Variants in CLSTN1 observed in about 807,000 individuals in gnomAD.
CLSTN1 encodes the protein calsyntenin 1.
Under a neutral mutation model 108.3 loss-of-function variants are expected in CLSTN1, and 28 were observed. The observed-to-expected ratio is 0.26, with a 90% CI of 0.19 to 0.35. The LOEUF (loss-of-function observed/expected upper bound fraction) is 0.35, where lower values mean the gene tolerates loss of function less well. Among genes scored for constraint, CLSTN1 ranks in the 10% least tolerant of loss-of-function variants. The pLI, the probability that CLSTN1 is intolerant of heterozygous loss-of-function variation, is 1.00. For synonymous variants in CLSTN1, 524 were observed against 534.9 expected, an observed-to-expected ratio of 0.98 and a Z score of 0.28; for missense variants, 1,157 against 1,302.6, an observed-to-expected ratio of 0.89 and a Z score of 1.72.
chr1:9,793,784 AATC>A (rs1162581935), intron 1 of CLSTN1, among the ~76,000 whole-genome samples: 1 of 151,418 alleles, frequency 6.6e-6, no homozygotes, highest in African/African-American at 2.4e-5. Flanking sequence ...CCTGAAGCAA[AATC>A]ATCTCAAAAT....
intron 1 of CLSTN1, among the ~76,000 whole-genome samples, chr1:9,788,879 A>G (rs543108148): frequency 6.6e-6 from 1 of 151,216 alleles, no homozygotes; most frequent in East Asian, 2.0e-4. Flanking sequence ...AAAAAAAAAA[A>G]AAAAAAAAAC....
At chr1:9,745,906 C>G (rs1487337635) in intron 7 of CLSTN1, among the ~76,000 whole-genome samples, 1 of 151,358 alleles carries the variant, frequency 6.6e-6, no homozygotes, top group Non-Finnish European at 1.5e-5. Flanking sequence ...GTAGCTGGGA[C>G]CACAGGTGTG....
chr1:9,783,517 C>G (rs530622118), intron 1 of CLSTN1, among the ~76,000 whole-genome samples: 1 of 152,004 alleles, frequency 6.6e-6, no homozygotes, highest in African/African-American at 2.4e-5. Context: ...GTCAGGAGTT[C>G]GAGACCAGCT....
In CLSTN1 at chr1:9,773,357, G is replaced by A. The variant is rs775802121; in HGVS notation, c.129C>T (p.His43=). Residue 43 remains histidine, a synonymous_variant, in exon 2 of 19, where the codon CAC becomes CAT. Coordinates refer to ENST00000377298, the MANE Select transcript of CLSTN1 (RefSeq NM_001009566.3). ...KHKPWLEPTY[H]GIVTENDNTV... is the part of the protein sequence containing the mutation. Reference sequence around the variant, plus strand: ...TGTTGTCGTTCTCTGTGACTATGCCGTGGTAGGTGGGCTCCAGCCAGGGCT... The same window carrying A: ...TGTTGTCGTTCTCTGTGACTATGCCATGGTAGGTGGGCTCCAGCCAGGGCT... The A allele has an allele frequency of 2.4e-5, 39 of 1,613,888 alleles. No individual in the cohort carries two copies. Among genetic ancestry groups the A allele is most frequent in the Middle Eastern group, 1.6e-4 (1 of 6,084 alleles).
At chr1:9,822,248 C>A (rs943305342) in intron 1 of CLSTN1, among the ~76,000 whole-genome samples, 1 of 152,148 alleles carries the variant, frequency 6.6e-6, no homozygotes, top group African/African-American at 2.4e-5. Flanking sequence ...TTTTAAAAAT[C>A]AAATGGCCAG....
At chr1:9,744,766 T>C in intron 7 of CLSTN1, 123 bp from the exon 8 acceptor site, 1 of 1,229,722 alleles carries the variant, frequency 8.1e-7, no homozygotes, top group Non-Finnish European at 1.1e-6. Flanking sequence ...CTTTTTTTTT[T>C]TCTTTCGAGA....
intron 1 of CLSTN1, chr1:9,781,382 T>C: frequency 4.3e-6 from 2 of 465,542 alleles, no homozygotes; most frequent in South Asian, 6.7e-5. Flanking sequence ...AACCATAGCA[T>C]TATAAATCAG....
rs759225299 is a variant in CLSTN1, at chr1:9,737,558, T to A, written c.1520-4A>T. The A allele has an allele frequency of 2.5e-6, 4 of 1,613,798 alleles. No individual in the cohort carries two copies. In the Admixed American group the frequency reaches 6.7e-5, roughly 27 times the overall value. ...TCATTTTCAACTCCTGAAAACTCTG[T>A]GGAAAAGCAAGACAAAGACAATAGA... On this transcript the variant is annotated splice_polypyrimidine_tract_variant and splice_region_variant and intron_variant, in intron 10 of 18. Coordinates refer to ENST00000377298, the MANE Select transcript of CLSTN1 (RefSeq NM_001009566.3).
intron 17 of CLSTN1, 34 bp from the exon 18 acceptor site, chr1:9,731,424 A>G: frequency 6.2e-7 from 1 of 1,607,030 alleles, no homozygotes; most frequent in East Asian, 2.2e-5. Context: ...ATGCGAGGTC[A>G]CTCGGCCCAG....
intron 5 of CLSTN1, among the ~76,000 whole-genome samples, chr1:9,751,139 A>T (rs533167322): frequency 6.6e-6 from 1 of 152,256 alleles, no homozygotes; most frequent in East Asian, 1.9e-4. Context: ...TGTAAAGGTC[A>T]GTCTCATTCA....
At chr1:9,733,702 A>G (rs1044045274) in intron 15 of CLSTN1, among the ~76,000 whole-genome samples, 156 bp from the exon 16 acceptor site, 5 of 152,102 alleles carry the variant, frequency 3.3e-5, no homozygotes, top group Admixed American at 2.6e-4. Context: ...AATAAATGCA[A>G]TGTGCACAGG....
At position 9,788,855 on chromosome 1, in the gene CLSTN1, G is replaced by A. The variant is rs145371928; in HGVS notation, c.92-15461C>T. Among the ~76,000 whole-genome samples the A allele has an allele frequency of 4.5e-3, 585 of 129,330 alleles. 29 individuals are homozygous for A. In the East Asian group the frequency reaches 0.048, roughly 11 times the overall value. 84.8% of individuals were successfully genotyped at this position (129,330 alleles called of 152,430 possible). A position where few individuals can be genotyped will look rare whatever the true frequency, so the allele number is the denominator to read the frequency against. On this transcript the variant is annotated intron_variant, in intron 1 of 18. Coordinates refer to ENST00000377298, the MANE Select transcript of CLSTN1 (RefSeq NM_001009566.3). ...TGCACTCCAAGCTGGGCGACAGAGC[G>A]AGACTCCGTCTCAAAAAAAAAAAAA...
chr1:9,780,075 G>C (rs142407319), intron 1 of CLSTN1, among the ~76,000 whole-genome samples: 19 of 151,384 alleles, frequency 1.3e-4, no homozygotes, highest in African/African-American at 4.4e-4. Flanking sequence ...GGCTGGTCTC[G>C]AACTTCAGAC....
intron 1 of CLSTN1, among the ~76,000 whole-genome samples, chr1:9,788,601 C>A (rs1183598036): frequency 6.6e-6 from 1 of 150,806 alleles, no homozygotes; most frequent in Non-Finnish European, 1.5e-5. Flanking sequence ...GGCGCAGTGG[C>A]TCACGCCTGT....
intron 2 of CLSTN1, among the ~76,000 whole-genome samples, chr1:9,768,624 A>G (rs542227122): frequency 0.06 from 1,646 of 27,556 alleles, 2 homozygotes; most frequent in African/African-American, 0.17. Context: ...GTGTTGGGTG[A>G]CACCATGGGG....
At chr1:9,732,618 G>GT (rs1325837103) in intron 16 of CLSTN1, among the ~76,000 whole-genome samples, 1 of 152,238 alleles carries the variant, frequency 6.6e-6, no homozygotes, top group East Asian at 1.9e-4. Flanking sequence ...ATTGCTAAGA[G>GT]TAACTTTGGG....
intron 5 of CLSTN1, 124 bp from the exon 6 acceptor site, chr1:9,750,037 T>C (rs558814705): frequency 7.9e-6 from 6 of 758,568 alleles, no homozygotes; most frequent in South Asian, 1.8e-5. Flanking sequence ...GAAATAAACA[T>C]ATGCTTGGGA....
intron 8 of CLSTN1, 132 bp downstream of exon 8, chr1:9,744,263 G>A: frequency 7.4e-7 from 1 of 1,343,488 alleles, no homozygotes; most frequent in Non-Finnish European, 1.0e-6. Context: ...AGTGCCCCAG[G>A]CACACAGCAT....
At chr1:9,822,439 C>A (rs1051048603) in intron 1 of CLSTN1, among the ~76,000 whole-genome samples, 1 of 152,096 alleles carries the variant, frequency 6.6e-6, no homozygotes, top group Non-Finnish European at 1.5e-5. Flanking sequence ...CCTTATGTCA[C>A]GCCAGGGAAG....
Sources: allele counts gnomAD v4.1 joint callset (sites outside exome capture counted in the v4.1 genomes callset), GRCh38; gene constraint gnomAD v4.1.1; transcripts MANE v1.5; gene names NCBI Gene and HGNC (gene_info 2026-07-23, HGNC 2026-07-21).